Variants in CD247 observed in about 807,000 individuals in gnomAD.
CD247 encodes the protein CD247 molecule, also known as T-cell surface glycoprotein CD3 zeta chain.
In CD247, 13 loss-of-function variants were observed where a neutral mutation model predicts 30.0. The ratio of observed to expected loss-of-function variants is 0.43; its 90% CI spans 0.28 to 0.69. The LOEUF is 0.69. CD247 is among the 30% of genes least tolerant of loss of function. The pLI is 0.16. For missense variants in CD247, 193 were observed against 212.6 expected (o/e 0.91, Z 0.57); for synonymous variants, 72 against 80.0 (o/e 0.90, Z 0.53).
intron 2 of CD247, 137 bp from the exon 3 acceptor site, chr1:167,439,537 G>A (rs1165275635): frequency 2.0e-5 from 15 of 758,198 alleles, no homozygotes; most frequent in Non-Finnish European, 3.5e-5. Flanking sequence ...GCCTCCTGGG[G>A]CTGAGCCCTT....
At chr1:167,482,056 C>T (rs973667523) in intron 1 of CD247, among the ~76,000 whole-genome samples, 1 of 152,210 alleles carries the variant, frequency 6.6e-6, no homozygotes, top group Non-Finnish European at 1.5e-5. Context: ...TTTTTACCCT[C>T]TGGACAACTC....
intron 1 of CD247, among the ~76,000 whole-genome samples, chr1:167,455,886 G>A (rs1652630283): frequency 6.6e-6 from 1 of 152,188 alleles, no homozygotes; most frequent in Non-Finnish European, 1.5e-5. Flanking sequence ...GGCCAGGATC[G>A]GGCCTGGCTC....
chr1:167,514,177 C>T (rs1489541540), intron 1 of CD247, among the ~76,000 whole-genome samples: 1 of 152,074 alleles, frequency 6.6e-6, no homozygotes, highest in Non-Finnish European at 1.5e-5. Flanking sequence ...TGCTCTGTCG[C>T]CCAGGCTGGA....
chr1:167,459,076 G>A (rs534859833), intron 1 of CD247, among the ~76,000 whole-genome samples: 1 of 151,330 alleles, frequency 6.6e-6, no homozygotes, highest in African/African-American at 2.4e-5. Context: ...GGGAGGTTGC[G>A]GTGAGCCGAG....
intron 1 of CD247, among the ~76,000 whole-genome samples, chr1:167,517,736 T>C (rs909554412): frequency 6.6e-6 from 1 of 152,132 alleles, no homozygotes; most frequent in African/African-American, 2.4e-5. Flanking sequence ...GGATGGTGCG[T>C]CACCCGGCAG....
chr1:167,499,087 T>C (rs1193280324), intron 1 of CD247, among the ~76,000 whole-genome samples: 2 of 152,214 alleles, frequency 1.3e-5, no homozygotes, highest in East Asian at 3.8e-4. Context: ...CACGGAGTGA[T>C]TGATCAACAC....
chr1:167,442,328 G>A (rs1050344440), intron 1 of CD247, among the ~76,000 whole-genome samples: 1 of 152,152 alleles, frequency 6.6e-6, no homozygotes, highest in East Asian at 1.9e-4. Flanking sequence ...CAAGGCCTGG[G>A]CGCCCTCTGG....
At chr1:167,465,475 C>T (rs1345766086) in intron 1 of CD247, among the ~76,000 whole-genome samples, 1 of 151,884 alleles carries the variant, frequency 6.6e-6, no homozygotes, top group Non-Finnish European at 1.5e-5. Flanking sequence ...TTACAGGCTC[C>T]CGGCATCATG....
intron 1 of CD247, among the ~76,000 whole-genome samples, chr1:167,496,549 G>A (rs975267467): frequency 3.9e-5 from 6 of 152,154 alleles, no homozygotes; most frequent in East Asian, 3.9e-4. Context: ...TCTCCATCCC[G>A]TGGAGAGTCT....
At chr1:167,473,893 A>C (rs1006718146) in intron 1 of CD247, among the ~76,000 whole-genome samples, 1 of 152,102 alleles carries the variant, frequency 6.6e-6, no homozygotes, top group Non-Finnish European at 1.5e-5. Context: ...CTTGGAAATT[A>C]ACCACTACAC....
At chr1:167,487,970 C>T (rs2102073108) in intron 1 of CD247, among the ~76,000 whole-genome samples, 1 of 152,284 alleles carries the variant, frequency 6.6e-6, no homozygotes, top group African/African-American at 2.4e-5. Context: ...AACTCATGGC[C>T]TCAAGCAGTC....
chr1:167,486,726 G>C (rs1435297025), intron 1 of CD247, among the ~76,000 whole-genome samples: 1 of 152,180 alleles, frequency 6.6e-6, no homozygotes, highest in Admixed American at 6.5e-5. Context: ...AAGAGCTCTG[G>C]CCACTTATGC....
At position 167,430,909 on chromosome 1, in the gene CD247, G is replaced by A. The variant is rs1435983076; in HGVS notation, c.*772C>T. The A allele has an allele frequency of 3.3e-5, 13 of 398,664 alleles. No individual in the cohort carries two copies. The highest frequency in any genetic ancestry group is 2.5e-4 in the South Asian group (2 of 7,866). The allele number at this position is 398,664 out of a possible 1,614,324, so 24.7% of individuals were successfully genotyped here. A position where few individuals can be genotyped will look rare whatever the true frequency, so the allele number is the denominator to read the frequency against. On this transcript the variant is annotated 3_prime_UTR_variant, in exon 8 of 8. Coordinates refer to ENST00000362089, the MANE Select transcript of CD247 (RefSeq NM_198053.3). ...CGCTGAAAGCGTGAAGTGAATCAAC[G>A]GCCTCCTCTTGCTCCGCAGCACTTT...
In CD247 at chr1:167,481,357, G is replaced by A. The variant is rs115221789; in HGVS notation, c.58+37051C>T. Among the ~76,000 whole-genome samples, 1,111 of 152,246 alleles carry A rather than the reference G, an allele frequency of 7.3e-3. 7 individuals carry two copies. Among genetic ancestry groups the A allele is most frequent in the Non-Finnish European group, 0.012 (833 of 68,026 alleles). On this transcript the variant is annotated intron_variant, in intron 1 of 7. Coordinates refer to ENST00000362089, the MANE Select transcript of CD247 (RefSeq NM_198053.3). The stretch of plus-strand genomic sequence containing the variant: ...ATAGTAGTTAGAATACTAAAACTTG[G>A]AAATAGCTTACTTCTATTAAAACAG...
chr1:167,514,299 G>C (rs529697230), intron 1 of CD247, among the ~76,000 whole-genome samples: 10 of 152,228 alleles, frequency 6.6e-5, no homozygotes, highest in African/African-American at 2.4e-4. Context: ...ACCATGCCCA[G>C]TTAATTTTTT....
intron 1 of CD247, among the ~76,000 whole-genome samples, chr1:167,460,706 A>G (rs565624476): frequency 2.8e-4 from 43 of 152,202 alleles, no homozygotes; most frequent in Non-Finnish European, 5.1e-4. Flanking sequence ...CGTCATTTAC[A>G]TTAGATATTC....
chr1:167,452,040 T>A (rs1463197070), intron 1 of CD247, among the ~76,000 whole-genome samples: 1 of 152,142 alleles, frequency 6.6e-6, no homozygotes, highest in African/African-American at 2.4e-5. Context: ...CTGGCCAACA[T>A]GGCTAAACCC....
In CD247 at chr1:167,452,579, C is replaced by G. The variant is rs35246058; in HGVS notation, c.59-11812G>C. ...CCTTACTAGGAGAAAATGTCACGCA[C>G]TGTGCTGGGCAGTGAGGGTGGAGGT... On this transcript the variant is annotated intron_variant, in intron 1 of 7. Coordinates refer to ENST00000362089, the MANE Select transcript of CD247 (RefSeq NM_198053.3). Among the ~76,000 whole-genome samples the G allele has an allele frequency of 2.2e-3, 334 of 152,240 alleles. 2 individuals are homozygous for G. Among genetic ancestry groups the G allele is most frequent in the African/African-American group, 7.8e-3 (324 of 41,538 alleles).
chr1:167,431,136 C>G lies in CD247; in HGVS notation c.*545G>C. ...CCCACCTTCCCATGCCCCTGCAGCT[C>G]CCTGGTTGCACCTGGCCTAGGCTCC... On this transcript the variant is annotated 3_prime_UTR_variant, in exon 8 of 8. Coordinates refer to ENST00000362089, the MANE Select transcript of CD247 (RefSeq NM_198053.3). 2.4e-6 allele frequency: 1 copy of G among 424,652 alleles called. No individual in the cohort carries two copies. Among genetic ancestry groups the G allele is most frequent in the African/African-American group, 2.0e-5 (1 of 49,448 alleles). 26.3% of individuals were successfully genotyped at this position (424,652 alleles called of 1,614,324 possible). A position where few individuals can be genotyped will look rare whatever the true frequency, so the allele number is the denominator to read the frequency against.
Sources: allele counts gnomAD v4.1 joint callset (sites outside exome capture counted in the v4.1 genomes callset), GRCh38; gene constraint gnomAD v4.1.1; transcripts MANE v1.5; gene names NCBI Gene and HGNC (gene_info 2026-07-23, HGNC 2026-07-21).